Variants in RIMS1 observed in about 807,000 individuals in gnomAD.
The protein encoded by RIMS1 is regulating synaptic membrane exocytosis 1.
RIMS1 carries 83 observed loss-of-function variants against 214.1 expected under a neutral mutation model. The ratio of observed to expected loss-of-function variants is 0.39; its 90% CI spans 0.32 to 0.47. RIMS1 has a LOEUF of 0.47. Ranked by LOEUF, RIMS1 falls within the 20% of genes least tolerant of loss-of-function variation. The probability of loss-of-function intolerance (pLI) is 0.99; values close to 1 mark genes in which losing one functional copy is unlikely to be tolerated. For synonymous variants in RIMS1, 793 were observed against 786.8 expected, an observed-to-expected ratio of 1.01 and a Z score of -0.13; for missense variants, 2,050 against 2,161.8, an observed-to-expected ratio of 0.95 and a Z score of 1.03.
chr6:72,387,514 T>G (rs2098634178), intron 29 of RIMS1, among the ~76,000 whole-genome samples: 1 of 152,220 alleles, frequency 6.6e-6, no homozygotes, highest in South Asian at 2.1e-4. Flanking sequence ...ACAAATGAAT[T>G]ACCTCTAGAA....
In RIMS1 at chr6:72,095,116, A is replaced by ATTTTTTTTTTTT. The variant is rs71540328; in HGVS notation, c.246-1824_246-1813dup. ...ACAGCCACCGCCACCACGCCCGACT[A>ATTTTTTTTTTTT]TTTTTTTTTTTTTTTTTTTTGTATT... is the stretch of plus-strand genomic sequence containing the variant. On this transcript the variant is annotated intron_variant, in intron 2 of 33. Transcript: ENST00000521978. Among the ~76,000 whole-genome samples, 108 of 98,916 alleles carry ATTTTTTTTTTTT rather than the reference A, an allele frequency of 1.1e-3. 1 individual carries two copies. Among genetic ancestry groups the ATTTTTTTTTTTT allele is most frequent in the East Asian group, 7.8e-3 (26 of 3,326 alleles). The allele number at this position is 98,916 out of a possible 152,430, so 64.9% of individuals were successfully genotyped here.
chr6:72,219,250 A>G (rs772465568), intron 6 of RIMS1, among the ~76,000 whole-genome samples: 1 of 152,200 alleles, frequency 6.6e-6, no homozygotes, highest in East Asian at 1.9e-4. Flanking sequence ...ATTTGTAATT[A>G]TTTGATACTA....
intron 1 of RIMS1, among the ~76,000 whole-genome samples, chr6:71,933,706 ACACACACACAC>A (rs1783750677): frequency 2.6e-5 from 4 of 151,662 alleles, no homozygotes; most frequent in East Asian, 1.9e-4. Flanking sequence ...ACACACACAC[ACACACACACAC>A]AAGTTGTATT....
At chr6:72,037,540 A>G (rs1271238226) in intron 2 of RIMS1, among the ~76,000 whole-genome samples, 1 of 152,064 alleles carries the variant, frequency 6.6e-6, no homozygotes, top group African/African-American at 2.4e-5. Context: ...ATTGAGGTGT[A>G]ATAGAGATAT....
intron 26 of RIMS1, among the ~76,000 whole-genome samples, chr6:72,294,427 A>G (rs539519907): frequency 2.0e-5 from 3 of 151,696 alleles, no homozygotes; most frequent in African/African-American, 7.2e-5. Context: ...CCCATTTTTT[A>G]AAAATGTTTA....
chr6:72,216,636 C>T, intron 6 of RIMS1: 1 of 985,564 alleles, frequency 1.0e-6, no homozygotes. Context: ...CAAATCATTT[C>T]AGGTGAGTTT....
At chr6:72,300,273 T>C (rs748032075) in intron 26 of RIMS1, among the ~76,000 whole-genome samples, 10 of 151,848 alleles carry the variant, frequency 6.6e-5, no homozygotes, top group Non-Finnish European at 1.2e-4. Context: ...ATTTAACACA[T>C]GTTAACCAAG....
chr6:72,269,740 A>G (rs1210472750), intron 22 of RIMS1, among the ~76,000 whole-genome samples: 1 of 152,178 alleles, frequency 6.6e-6, no homozygotes, highest in Non-Finnish European at 1.5e-5. Flanking sequence ...GCCCTTCTCC[A>G]GTTCCAGTGA....
Position 72,333,675 on chromosome 6 carries a change from T to C in RIMS1, c.4206T>C (p.Ser1402=). 1 of 1,595,752 alleles carries C rather than the reference T, an allele frequency of 6.3e-7. No individual in the cohort carries two copies. The highest frequency in any genetic ancestry group is 1.1e-5 in the South Asian group (1 of 87,900). ...GRSIMKSTSV[S]GEMYTLEHND... Reference sequence around the variant, plus strand: ...CCATCATGAAGAGCACCAGTGTCAGTGGAGAGATGTACACACTGGAGCATA... The same window carrying C: ...CCATCATGAAGAGCACCAGTGTCAGCGGAGAGATGTACACACTGGAGCATA... Residue 1402 remains serine (S), a synonymous_variant, in exon 29 of 34, where the codon AGT becomes AGC. Transcript: ENST00000521978.
intron 29 of RIMS1, among the ~76,000 whole-genome samples, chr6:72,335,441 A>T (rs942831390): frequency 1.3e-4 from 20 of 151,876 alleles, no homozygotes; most frequent in African/African-American, 4.6e-4. Context: ...TCCATTGTGT[A>T]TGTGTGCCAC....
At chr6:72,243,326 T>C (rs1204337614) in intron 10 of RIMS1, among the ~76,000 whole-genome samples, 2 of 151,680 alleles carry the variant, frequency 1.3e-5, no homozygotes, top group African/African-American at 4.8e-5. Flanking sequence ...ATCATAATTC[T>C]CAAAGAATGA....
intron 1 of RIMS1, among the ~76,000 whole-genome samples, chr6:71,948,528 A>G (rs1353962512): frequency 3.9e-5 from 6 of 152,346 alleles, no homozygotes; most frequent in East Asian, 1.9e-4. Context: ...GACATGGCAC[A>G]TGCTACATGG....
intron 28 of RIMS1, among the ~76,000 whole-genome samples, chr6:72,332,347 G>A (rs529189642): frequency 2.6e-5 from 4 of 151,684 alleles, no homozygotes; most frequent in South Asian, 2.1e-4. Context: ...GAAATGTACT[G>A]GTCTAGATGG....
chr6:72,008,233 A>AG (rs202241623), intron 2 of RIMS1, among the ~76,000 whole-genome samples: 1,848 of 152,256 alleles, frequency 0.012, 44 homozygotes, highest in African/African-American at 0.041. Context: ...AAGCTTCATA[A>AG]GTGAAGGAGA....
At chr6:72,339,610 G>A (rs1440125840) in intron 29 of RIMS1, among the ~76,000 whole-genome samples, 1 of 151,994 alleles carries the variant, frequency 6.6e-6, no homozygotes, top group African/African-American at 2.4e-5. Flanking sequence ...CAAAGGACAT[G>A]AACTCATCAT....
intron 5 of RIMS1, among the ~76,000 whole-genome samples, chr6:72,180,545 A>G (rs2048273585): frequency 6.6e-6 from 1 of 152,230 alleles, no homozygotes; most frequent in Non-Finnish European, 1.5e-5. Flanking sequence ...CTTTTATTGT[A>G]GGTGAAAGGG....
intron 29 of RIMS1, among the ~76,000 whole-genome samples, chr6:72,351,195 A>G (rs982673429): frequency 1.4e-5 from 2 of 143,838 alleles, no homozygotes; most frequent in Admixed American, 6.9e-5. Flanking sequence ...CCCAAGATGT[A>G]AAAAAAAAAA....
rs2048547320 is a variant in RIMS1 at position 72,182,757 on chromosome 6, C to T, written c.1286C>T (p.Ser429Leu). ...CCGCCGGACTCGCCGCGGGCTTACT[C>T]GGCTGAGAGAACTGCGGAGACCAGG... ...ASPPDSPRAY[S>L]AERTAETRAP... The change falls in exon 6 of 34, where the codon TCG becomes TTG. Residue 429 changes from serine to leucine, a missense_variant. Physicochemically the swap from Ser to Leu is moderately radical, Grantham distance 145. Coordinates refer to ENST00000521978, the MANE Select transcript of RIMS1 (RefSeq NM_014989.7). 2 of 1,543,740 alleles carry T rather than the reference C, an allele frequency of 1.3e-6. No individual in the cohort carries two copies. The highest frequency in any genetic ancestry group is 1.7e-6 in the Non-Finnish European group (2 of 1,148,732).
At chr6:72,377,352 C>G (rs1199313890) in intron 29 of RIMS1, among the ~76,000 whole-genome samples, 1 of 152,142 alleles carries the variant, frequency 6.6e-6, no homozygotes, top group Non-Finnish European at 1.5e-5. Flanking sequence ...TCTGGGCTAG[C>G]TCTGGGATTG....
Sources: gnomAD v4.1 joint callset for allele counts (sites outside exome capture counted in the v4.1 genomes callset) on GRCh38, gnomAD v4.1.1 for gene constraint, MANE v1.5 for transcripts, NCBI Gene and HGNC (gene_info 2026-07-23, HGNC 2026-07-21) for gene names.